The following POLA1 variants were observed in gnomAD, a reference collection of about 807,000 sequenced individuals.
The protein encoded by POLA1 is DNA polymerase alpha 1, catalytic subunit.
POLA1 carries 15 observed loss-of-function variants against 124.0 expected under a neutral mutation model. The observed-to-expected ratio is 0.12, with a 90% CI of 0.08 to 0.19. The LOEUF is 0.19. POLA1 is among the 10% of genes least tolerant of loss of function. The pLI is 1.00. For missense variants in POLA1, 886 were observed against 1,103.4 expected, an observed-to-expected ratio of 0.80 and a Z score of 2.79; for synonymous variants, 408 against 389.4, an observed-to-expected ratio of 1.05 and a Z score of -0.56.
intron 31 of POLA1, among the ~76,000 whole-genome samples, chrX:24,825,956 C>T (rs2046164731): frequency 8.9e-6 from 1 of 111,914 alleles, no homozygotes; most frequent in South Asian, 3.8e-4. Context: ...GAAAATATTA[C>T]TCCCGGGATC....
Position 24,964,803 on chromosome X carries a change from C to T in POLA1, c.4262-31002C>T, listed in dbSNP as rs571809917. On this transcript the variant is annotated intron_variant, in intron 36 of 36. Coordinates refer to ENST00000379068, the MANE Select transcript of POLA1 (RefSeq NM_001330360.2). ...TACCTACTATGTGCCGGACACAGTA[C>T]AGGCCCTTTTTATGCATTTTGTCTC... Among the ~76,000 whole-genome samples, 102 of 112,078 alleles carry T rather than the reference C, an allele frequency of 9.1e-4. 1 individual carries two copies. Among genetic ancestry groups the T allele is most frequent in the Middle Eastern group, 9.3e-3 (2 of 214 alleles).
intron 26 of POLA1, among the ~76,000 whole-genome samples, chrX:24,797,013 A>T (rs1158259711): frequency 8.9e-6 from 1 of 111,757 alleles, no homozygotes; most frequent in Non-Finnish European, 1.9e-5. Context: ...CACTTGCTAA[A>T]TGTCTGTGAT....
chrX:24,790,694 C>A (rs1050762787), intron 26 of POLA1, among the ~76,000 whole-genome samples: 2 of 110,077 alleles, frequency 1.8e-5, no homozygotes, highest in African/African-American at 6.6e-5. Context: ...TTATCCCCAA[C>A]AGGATTGAAT....
intron 36 of POLA1, among the ~76,000 whole-genome samples, chrX:24,964,859 A>G (rs2048205409): frequency 8.9e-6 from 1 of 112,301 alleles, no homozygotes; most frequent in South Asian, 3.7e-4. Flanking sequence ...TCTGGGAGGC[A>G]TTATTGCTAT....
chrX:24,892,304 A>G (rs750988171), intron 35 of POLA1, among the ~76,000 whole-genome samples: 9 of 111,322 alleles, frequency 8.1e-5, no homozygotes, highest in Admixed American at 5.8e-4. Context: ...TTAAGTTACT[A>G]AGTAAATAGA....
intron 10 of POLA1, 76 bp downstream of exon 10, chrX:24,717,834 C>T: frequency 4.4e-6 from 3 of 680,697 alleles, no homozygotes; most frequent in South Asian, 4.0e-5. Flanking sequence ...TTTTTTGTTT[C>T]TTTTTGTGTG....
chrX:24,764,230 C>T (rs1259896181), intron 26 of POLA1, among the ~76,000 whole-genome samples: 2 of 112,389 alleles, frequency 1.8e-5, no homozygotes, highest in African/African-American at 3.2e-5. Flanking sequence ...AAAAAATAAA[C>T]AACCTTCTAC....
chrX:24,949,797 C>T (rs951894182), intron 36 of POLA1, among the ~76,000 whole-genome samples: 26 of 104,443 alleles, frequency 2.5e-4, no homozygotes, highest in African/African-American at 6.7e-4. Flanking sequence ...TGCAATGGTG[C>T]GATCTCGGCT....
intron 36 of POLA1, among the ~76,000 whole-genome samples, chrX:24,964,445 T>C (rs1017532493): frequency 5.3e-5 from 6 of 112,979 alleles, no homozygotes; most frequent in Admixed American, 4.7e-4. Flanking sequence ...TTGAATTGTA[T>C]AAAATGTTAT....
intron 32 of POLA1, among the ~76,000 whole-genome samples, chrX:24,832,743 C>G (rs1409517402): frequency 8.9e-6 from 1 of 111,763 alleles, no homozygotes; most frequent in Admixed American, 9.5e-5. Context: ...CATACACGTA[C>G]ACTGTATTAT....
chrX:24,719,602 G>A (rs1483247494), intron 10 of POLA1, among the ~76,000 whole-genome samples: 3 of 111,452 alleles, frequency 2.7e-5, no homozygotes, highest in East Asian at 5.7e-4. Context: ...CCATTTTCAC[G>A]TGACTTTCCT....
At position 24,723,210 on chromosome X, in the gene POLA1, C is replaced by T; in HGVS notation, c.1143C>T (p.Ser381=). 1 of 1,208,430 alleles carries T rather than the reference C, an allele frequency of 8.3e-7. No individual in the cohort carries two copies. The highest frequency in any genetic ancestry group is 1.1e-6 in the Non-Finnish European group (1 of 892,357). ...TTGAATCAGCCGAGACCCATGTGAG[C>T]TGTTGTGTCATGGTGAAAAATATCG... ...VWIESAETHV[S]CCVMVKNIER... is the part of the protein sequence containing the mutation. Residue 381 remains serine, a synonymous_variant, in exon 11 of 37, where the codon AGC becomes AGT. Transcript: ENST00000379068.
At chrX:24,992,628 C>T (rs1326007137) in intron 36 of POLA1, among the ~76,000 whole-genome samples, 1 of 112,363 alleles carries the variant, frequency 8.9e-6, no homozygotes, top group East Asian at 2.8e-4. Flanking sequence ...ATGTCTTTGC[C>T]TCGTGGTTTC....
chrX:24,942,842 C>T (rs776207244), intron 36 of POLA1, among the ~76,000 whole-genome samples: 1 of 111,919 alleles, frequency 8.9e-6, no homozygotes, highest in Non-Finnish European at 1.9e-5. Context: ...ACTGCAGGTG[C>T]GTGCCACCAC....
At chrX:24,869,230 G>A (rs2046834940) in intron 34 of POLA1, among the ~76,000 whole-genome samples, 1 of 112,670 alleles carries the variant, frequency 8.9e-6, no homozygotes, top group African/African-American at 3.2e-5. Context: ...CACTCTGCCT[G>A]GCCAGGAATT....
intron 14 of POLA1, 139 bp downstream of exon 14, chrX:24,727,210 A>AGT (rs1465933531): frequency 1.3e-5 from 6 of 479,438 alleles, no homozygotes; most frequent in Non-Finnish European, 2.1e-5. Flanking sequence ...TCGTTGAGTG[A>AGT]GTATAGGGAG....
chrX:24,866,196 T>C (rs1285026740), intron 34 of POLA1, among the ~76,000 whole-genome samples: 2 of 111,923 alleles, frequency 1.8e-5, no homozygotes, highest in African/African-American at 3.2e-5. Context: ...GAAAATTGTA[T>C]TGAAAGAAAT....
At chrX:24,881,294 G>C (rs1056382467) in intron 34 of POLA1, among the ~76,000 whole-genome samples, 1 of 111,776 alleles carries the variant, frequency 8.9e-6, no homozygotes, top group Middle Eastern at 4.2e-3. Flanking sequence ...ATTTTTAATA[G>C]TGCACTGTCA....
intron 26 of POLA1, among the ~76,000 whole-genome samples, chrX:24,758,715 G>T (rs1685205664): frequency 8.9e-6 from 1 of 111,960 alleles, no homozygotes; most frequent in Non-Finnish European, 1.9e-5. Flanking sequence ...ACGGAGTCTC[G>T]CACTGTCTCG....
Sources: allele counts gnomAD v4.1 joint callset (sites outside exome capture counted in the v4.1 genomes callset), GRCh38; gene constraint gnomAD v4.1.1; transcripts MANE v1.5; gene names NCBI Gene and HGNC (gene_info 2026-07-23, HGNC 2026-07-21).